Variants in HS2ST1 observed in about 807,000 individuals in gnomAD.
The protein encoded by HS2ST1 is 2-O-sulfotransferase.
In HS2ST1, 18 loss-of-function variants were observed where a neutral mutation model predicts 42.9. The observed-to-expected ratio is 0.42, with a 90% confidence interval of 0.29 to 0.62. The LOEUF is 0.62. Among genes scored for constraint, HS2ST1 ranks in the 20% least tolerant of loss-of-function variants. HS2ST1 has a pLI of 0.21. For missense variants in HS2ST1, 334 were observed against 433.8 expected (o/e 0.77, Z 2.04); for synonymous variants, 146 against 152.9 (o/e 0.95, Z 0.33).
chr1:86,950,964 C>G lies in HS2ST1; in HGVS notation c.124+35804C>G, dbSNP rs201115914. 6.6e-5 allele frequency among the ~76,000 whole-genome samples: 10 copies of G among 152,194 alleles called. No homozygotes were observed. The East Asian group carries it at 1.9e-3, about 29-fold the overall frequency. ...ATCTGTCAAGTTTCTACAGTCCTTT[C>G]CAGAGAAATTGATGTGGAGCTGAAC... On this transcript the variant is annotated intron_variant, in intron 1 of 6. Coordinates refer to ENST00000370550, the MANE Select transcript of HS2ST1 (RefSeq NM_012262.4).
chr1:87,051,404 G>T (rs1398638903), intron 1 of HS2ST1, among the ~76,000 whole-genome samples: 2 of 151,978 alleles, frequency 1.3e-5, no homozygotes, highest in Non-Finnish European at 2.9e-5. Context: ...TTTTCATAAT[G>T]ATCATAATTT....
intron 1 of HS2ST1, among the ~76,000 whole-genome samples, chr1:86,979,900 T>C (rs1276542376): frequency 6.6e-6 from 1 of 152,252 alleles, no homozygotes; most frequent in East Asian, 1.9e-4. Context: ...GTAGCCATCC[T>C]AAAGGTCATG....
intron 1 of HS2ST1, among the ~76,000 whole-genome samples, chr1:87,048,232 AG>A (rs769193491): frequency 4.6e-4 from 70 of 152,280 alleles, no homozygotes; most frequent in South Asian, 1.2e-3. Context: ...CAATTGATTT[AG>A]GTATATTGAT....
At chr1:87,052,873 C>T (rs563832749) in intron 1 of HS2ST1, among the ~76,000 whole-genome samples, 5 of 152,256 alleles carry the variant, frequency 3.3e-5, no homozygotes, top group Middle Eastern at 6.8e-3. Flanking sequence ...CCCTCTAGAA[C>T]ACCGATTCTC....
intron 1 of HS2ST1, among the ~76,000 whole-genome samples, chr1:86,960,327 A>G (rs1046689386): frequency 6.6e-6 from 1 of 152,152 alleles, no homozygotes; most frequent in Non-Finnish European, 1.5e-5. Flanking sequence ...CAAAAATGTA[A>G]AACTCCTAGA....
At chr1:87,046,207 C>T (rs1442518447) in intron 1 of HS2ST1, 5 of 876,208 alleles carry the variant, frequency 5.7e-6, no homozygotes, top group Middle Eastern at 2.4e-4. Context: ...GAAAGTGGAA[C>T]TGCTGGGTAT....
chr1:86,918,683 C>T (rs985432128), intron 1 of HS2ST1, among the ~76,000 whole-genome samples: 5 of 151,944 alleles, frequency 3.3e-5, no homozygotes, highest in Non-Finnish European at 7.4e-5. Context: ...TACTTTTCAA[C>T]ATTTTTTTGT....
At chr1:86,991,833 G>T (rs1040903054) in intron 1 of HS2ST1, among the ~76,000 whole-genome samples, 4 of 152,170 alleles carry the variant, frequency 2.6e-5, no homozygotes, top group Non-Finnish European at 4.4e-5. Flanking sequence ...CATATTAATA[G>T]AAGAGGATAA....
chr1:86,974,674 T>C (rs1194684218), intron 1 of HS2ST1, among the ~76,000 whole-genome samples: 1 of 152,124 alleles, frequency 6.6e-6, no homozygotes, highest in South Asian at 2.1e-4. Flanking sequence ...TGAGCAGAAT[T>C]GGGTTAAATT....
chr1:87,097,480 A>ACCTCCTGGGTTCAAGCGAT (rs1652095507), intron 4 of HS2ST1, among the ~76,000 whole-genome samples: 1 of 151,784 alleles, frequency 6.6e-6, no homozygotes, highest in Non-Finnish European at 1.5e-5. Flanking sequence ...TGCAGCTTCC[A>ACCTCCTGGGTTCAAGCGAT]CCTCCTGGGT....
At chr1:87,014,350 C>T (rs1421718677) in intron 1 of HS2ST1, among the ~76,000 whole-genome samples, 1 of 152,164 alleles carries the variant, frequency 6.6e-6, no homozygotes, top group Non-Finnish European at 1.5e-5. Context: ...CTTTATAAAA[C>T]CATTAGATCT....
intron 1 of HS2ST1, among the ~76,000 whole-genome samples, chr1:87,068,513 T>C (rs1292650308): frequency 1.3e-5 from 2 of 152,330 alleles, no homozygotes; most frequent in South Asian, 2.1e-4. Flanking sequence ...ACAGAGACAA[T>C]ATGACTTCCT....
intron 1 of HS2ST1, among the ~76,000 whole-genome samples, chr1:87,038,834 TA>T (rs1163059235): frequency 3.4e-5 from 5 of 148,286 alleles, no homozygotes; most frequent in South Asian, 2.1e-4. Flanking sequence ...AGAGAGAAAC[TA>T]AAAAAAAAAT....
chr1:86,917,275 T>TA, intron 1 of HS2ST1, among the ~76,000 whole-genome samples: 1 of 152,126 alleles, frequency 6.6e-6, no homozygotes, highest in Non-Finnish European at 1.5e-5. Flanking sequence ...TCCCAGCACT[T>TA]TGGGAGGCCG....
rs74227466 is a variant in HS2ST1, at chr1:87,088,691, G to A, written c.450-3840G>A. Reference sequence around the variant, plus strand: ...CAACAGTGTTTTAAGAGTTCCAGCTGTTGTGTATCCTCACTAGCATTTGAA... The same window carrying A: ...CAACAGTGTTTTAAGAGTTCCAGCTATTGTGTATCCTCACTAGCATTTGAA... On this transcript the variant is annotated intron_variant, in intron 3 of 6. Transcript: ENST00000370550. Among the ~76,000 whole-genome samples the A allele has an allele frequency of 3.9e-3, 595 of 152,184 alleles. 10 individuals carry two copies. The East Asian group carries it at 0.062, about 16-fold the overall frequency.
In HS2ST1 at chr1:87,069,247, G is replaced by T. The variant is rs146112765; in HGVS notation, c.125-3687G>T. Among the ~76,000 whole-genome samples the T allele has an allele frequency of 3.4e-3, 512 of 152,288 alleles. 4 individuals are homozygous for T. Among genetic ancestry groups the T allele is most frequent in the South Asian group, 7.7e-3 (37 of 4,822 alleles). The stretch of plus-strand genomic sequence containing the variant: ...TGCAGTTCAAATCCATGTTGTTCAA[G>T]GGTGAACTGCAATTTATTACTCAAA... On this transcript the variant is annotated intron_variant, in intron 1 of 6. Coordinates refer to ENST00000370550, the MANE Select transcript of HS2ST1 (RefSeq NM_012262.4).
intron 1 of HS2ST1, among the ~76,000 whole-genome samples, chr1:87,038,166 T>A (rs944373901): frequency 3.3e-5 from 5 of 152,088 alleles, no homozygotes; most frequent in Admixed American, 6.5e-5. Flanking sequence ...GTGGATTTGG[T>A]CTGTTCTATG....
intron 1 of HS2ST1, among the ~76,000 whole-genome samples, chr1:87,060,931 G>A (rs915140715): frequency 1.3e-5 from 2 of 151,948 alleles, no homozygotes; most frequent in African/African-American, 4.8e-5. Context: ...GATCATCTCA[G>A]GAGCATTAAC....
At chr1:87,101,153 T>TG (rs1652192831) in intron 5 of HS2ST1, among the ~76,000 whole-genome samples, 2 of 85,898 alleles carry the variant, frequency 2.3e-5, no homozygotes, top group South Asian at 4.7e-4. Context: ...GTGTGTGTTT[T>TG]TTGTTTTTTT....
Sources: gnomAD v4.1 joint callset for allele counts (sites outside exome capture counted in the v4.1 genomes callset) on GRCh38, gnomAD v4.1.1 for gene constraint, MANE v1.5 for transcripts, NCBI Gene and HGNC (gene_info 2026-07-23, HGNC 2026-07-21) for gene names.